Variants in ARHGEF33 observed in about 807,000 individuals in gnomAD.
The protein encoded by ARHGEF33 is DH and coiled-coil domain-containing protein ENSP00000381780.
Under a neutral mutation model 101.9 loss-of-function variants are expected in ARHGEF33, and 72 were observed. That is an observed-to-expected ratio of 0.71 (90% CI 0.58 to 0.86). ARHGEF33 has a LOEUF of 0.86. ARHGEF33 is among the 40% of genes least tolerant of loss of function. The pLI, the probability that ARHGEF33 is intolerant of heterozygous loss-of-function variation, is 0.00. For missense variants in ARHGEF33, 1,169 were observed against 1,111.3 expected (o/e 1.05, Z -0.74); for synonymous variants, 499 against 442.5 (o/e 1.13, Z -1.60).
chr2:38,902,078 G>A (rs1666256778), intron 2 of ARHGEF33, among the ~76,000 whole-genome samples: 2 of 149,748 alleles, frequency 1.3e-5, no homozygotes, highest in Non-Finnish European at 3.0e-5. Context: ...TCGCGCCACT[G>A]CACTCCAGCT....
At chr2:38,948,704 A>G (rs994566408) in intron 10 of ARHGEF33, among the ~76,000 whole-genome samples, 6 of 152,192 alleles carry the variant, frequency 3.9e-5, no homozygotes, top group African/African-American at 1.4e-4. Context: ...ATGGTGCCCT[A>G]ATATCTTCCA....
intron 17 of ARHGEF33, among the ~76,000 whole-genome samples, chr2:38,967,479 T>C (rs1029617833): frequency 1.3e-5 from 2 of 152,214 alleles, no homozygotes; most frequent in Non-Finnish European, 2.9e-5. Context: ...TAGGATCATA[T>C]AGACTTAGAT....
At chr2:38,916,573 C>G (rs17023149) in intron 2 of ARHGEF33, among the ~76,000 whole-genome samples, 6,696 of 152,244 alleles carry the variant, frequency 0.044, 544 homozygotes, top group African/African-American at 0.15. Flanking sequence ...CTTGACATAA[C>G]TTTCATGCTT....
intron 17 of ARHGEF33, chr2:38,969,523 G>A (rs1445182055): frequency 1.2e-5 from 2 of 169,194 alleles, no homozygotes; most frequent in Non-Finnish European, 2.9e-5. Flanking sequence ...AGGCTGGGAG[G>A]GCCGAAGGCT....
At chr2:38,904,717 A>AAT (rs1420105870) in intron 2 of ARHGEF33, among the ~76,000 whole-genome samples, 1 of 151,788 alleles carries the variant, frequency 6.6e-6, no homozygotes, top group Non-Finnish European at 1.5e-5. Flanking sequence ...CAAAAAAAAA[A>AAT]AAAAAGGAAA....
chr2:38,938,696 T>C (rs962452329), intron 9 of ARHGEF33, among the ~76,000 whole-genome samples: 61 of 152,328 alleles, frequency 4.0e-4, no homozygotes, highest in African/African-American at 1.4e-3. Flanking sequence ...ACAATATTTC[T>C]GTGCATGAAA....
Position 38,950,976 on chromosome 2 carries a change from A to C in ARHGEF33, c.921-13A>C. On this transcript the variant is annotated splice_polypyrimidine_tract_variant and intron_variant, in intron 10 of 17. Transcript: ENST00000409978. The stretch of plus-strand genomic sequence containing the variant: ...ACCTTGTTTGTGTGATTCCGTCTCT[A>C]TTCTGTTTCAAGCCTCTTCCCTGGC... The C allele has an allele frequency of 1.3e-6, 2 of 1,550,990 alleles. No individual in the cohort carries two copies. Among genetic ancestry groups the C allele is most frequent in the South Asian group, 1.2e-5 (1 of 83,772 alleles).
Position 38,931,223 on chromosome 2 carries a change from C to A in ARHGEF33, c.477C>A (p.Asn159Lys). Residue 159 changes from asparagine to lysine, a missense_variant, in exon 7 of 18, where the codon AAC (asparagine) becomes AAA (lysine). Asn to Lys is a moderately conservative substitution (Grantham distance 94, BLOSUM62 0). Coordinates refer to ENST00000409978, the MANE Select transcript of ARHGEF33 (RefSeq NM_001145451.5). ...TTCTTCCAAGCGAAGACTTTACCAACCTTTTGCCTTCTCAGGCCTACGAGA... is the reference window on the plus strand; with the variant it reads ...TTCTTCCAAGCGAAGACTTTACCAAACTTTTGCCTTCTCAGGCCTACGAGA... ...EPVLPSEDFT[N>K]LLPSQAYEKA... The A allele has an allele frequency of 6.4e-7, 1 of 1,550,468 alleles. No homozygotes were observed. The highest frequency in any genetic ancestry group is 8.7e-7 in the Non-Finnish European group (1 of 1,146,634).
At chr2:38,965,750 C>G (rs534176858) in intron 16 of ARHGEF33, among the ~76,000 whole-genome samples, 11 of 152,216 alleles carry the variant, frequency 7.2e-5, no homozygotes, top group African/African-American at 2.7e-4. Context: ...ATTTCCTTAT[C>G]TTTAATTATT....
At chr2:38,943,271 T>C (rs1163148763) in intron 9 of ARHGEF33, among the ~76,000 whole-genome samples, 1 of 152,188 alleles carries the variant, frequency 6.6e-6, no homozygotes, top group African/African-American at 2.4e-5. Context: ...TCTTTTTCCC[T>C]TGGGCAGTTC....
At chr2:38,925,643 A>G (rs564854647) in intron 4 of ARHGEF33, among the ~76,000 whole-genome samples, 2 of 152,360 alleles carry the variant, frequency 1.3e-5, no homozygotes, top group South Asian at 4.1e-4. Flanking sequence ...GGAAGTTGGC[A>G]GAAAACTCGT....
intron 2 of ARHGEF33, among the ~76,000 whole-genome samples, chr2:38,896,668 G>A (rs865918923): frequency 1.4e-4 from 22 of 152,178 alleles, no homozygotes; most frequent in African/African-American, 5.1e-4. Context: ...TAGCACAGCT[G>A]GGATTGGAAG....
At chr2:38,920,020 G>A (rs1485091623) in intron 3 of ARHGEF33, among the ~76,000 whole-genome samples, 2 of 152,190 alleles carry the variant, frequency 1.3e-5, no homozygotes, top group Non-Finnish European at 2.9e-5. Context: ...AGCTTATGCA[G>A]GAAGTTTGGG....
Position 38,956,958 on chromosome 2 carries a change from C to T in ARHGEF33, c.1281C>T (p.Val427=), listed in dbSNP as rs916010338. The change falls in exon 14 of 18, where the codon GTC becomes GTT. Residue 427 remains valine (V), a synonymous_variant. Coordinates refer to ENST00000409978, the MANE Select transcript of ARHGEF33 (RefSeq NM_001145451.5). ...ACTATTATCTACTACTGGTGTGTGTCCAGCGCCTCCGAGTATTTATCTCAC... is the reference window on the plus strand; with the variant it reads ...ACTATTATCTACTACTGGTGTGTGTTCAGCGCCTCCGAGTATTTATCTCAC... ...HPDYYLLLVC[V]QRLRVFISHY... The T allele has an allele frequency of 8.4e-6, 13 of 1,552,198 alleles. No homozygotes were observed. In the Admixed American group the frequency reaches 2.0e-4, roughly 23 times the overall value.
chr2:38,898,289 C>G (rs1285300831), intron 2 of ARHGEF33, among the ~76,000 whole-genome samples: 1 of 152,144 alleles, frequency 6.6e-6, no homozygotes, highest in Non-Finnish European at 1.5e-5. Flanking sequence ...GAATAAAGTT[C>G]TGAAACTGTA....
chr2:38,914,961 TAA>T (rs1558426322), intron 2 of ARHGEF33, among the ~76,000 whole-genome samples: 1 of 152,142 alleles, frequency 6.6e-6, no homozygotes, highest in African/African-American at 2.4e-5. Flanking sequence ...TTTTAATTTT[TAA>T]AAAGTTTTTC....
intron 7 of ARHGEF33, among the ~76,000 whole-genome samples, chr2:38,934,666 C>T (rs1407239979): frequency 8.0e-6 from 1 of 125,056 alleles, no homozygotes. Context: ...TCTCTCCCTC[C>T]CTCCCCCCTC....
At chr2:38,958,399 G>A (rs1045616599) in intron 15 of ARHGEF33, among the ~76,000 whole-genome samples, 1 of 152,200 alleles carries the variant, frequency 6.6e-6, no homozygotes, top group African/African-American at 2.4e-5. Context: ...TGGGAAGAGA[G>A]GCAGAAAGTA....
chr2:38,904,699 C>A (rs556932243), intron 2 of ARHGEF33, among the ~76,000 whole-genome samples: 1 of 99,652 alleles, frequency 1.0e-5, no homozygotes, highest in East Asian at 3.1e-4. Flanking sequence ...CGGAGCGAGA[C>A]TCTGTATCAA....
Sources: gnomAD v4.1 joint callset for allele counts (sites outside exome capture counted in the v4.1 genomes callset) on GRCh38, gnomAD v4.1.1 for gene constraint, MANE v1.5 for transcripts, NCBI Gene and HGNC (gene_info 2026-07-23, HGNC 2026-07-21) for gene names.